The following SCARB1 variants were observed in gnomAD, a reference collection of about 807,000 sequenced individuals.
SCARB1 encodes CD36 and LIMPII analogous 1.
In SCARB1, 30 loss-of-function variants were observed where a neutral mutation model predicts 57.2. The observed-to-expected ratio is 0.52, with a 90% confidence interval of 0.39 to 0.71. SCARB1 has a LOEUF of 0.71. Ranked by LOEUF, SCARB1 falls within the 30% of genes least tolerant of loss-of-function variation. SCARB1 has a pLI of 0.00. For synonymous variants in SCARB1, 249 were observed against 268.3 expected (o/e 0.93, Z 0.70); for missense variants, 543 against 671.2 (o/e 0.81, Z 2.11).
chr12:124,833,390 A>G (rs1017783736), intron 1 of SCARB1, among the ~76,000 whole-genome samples: 2 of 151,828 alleles, frequency 1.3e-5, no homozygotes, highest in East Asian at 3.9e-4. Context: ...GGGTCTCACT[A>G]TGTTGCCCAA....
intron 10 of SCARB1, 33 bp from the exon 11 acceptor site, chr12:124,786,536 G>T: frequency 6.2e-7 from 1 of 1,612,934 alleles, no homozygotes; most frequent in Non-Finnish European, 8.5e-7. Flanking sequence ...ACATGAGCTG[G>T]GGCCGCAGGC....
At chr12:124,856,397 AAC>A (rs1301076578) in intron 1 of SCARB1, among the ~76,000 whole-genome samples, 4 of 152,216 alleles carry the variant, frequency 2.6e-5, no homozygotes, top group Non-Finnish European at 5.9e-5. Context: ...TACACACACC[AAC>A]ACACGTGTGT....
chr12:124,850,685 A>C (rs137973444), intron 1 of SCARB1, among the ~76,000 whole-genome samples: 1 of 152,352 alleles, frequency 6.6e-6, no homozygotes, highest in Non-Finnish European at 1.5e-5. Context: ...TAAATAGGTA[A>C]GTAAATATAA....
intron 12 of SCARB1, among the ~76,000 whole-genome samples, chr12:124,781,029 C>T (rs1250147669): frequency 6.6e-6 from 1 of 152,174 alleles, no homozygotes; most frequent in Non-Finnish European, 1.5e-5. Flanking sequence ...AGGCAGAAGG[C>T]CTTGCCCCCA....
chr12:124,776,965 AGAAAG>A lies in SCARB1; in HGVS notation c.*1617_*1621del, dbSNP rs1872537129. 1 of 140,102 alleles carries A rather than the reference AGAAAG, an allele frequency of 7.1e-6. No individual in the cohort carries two copies. Among genetic ancestry groups the A allele is most frequent in the Non-Finnish European group, 1.6e-5 (1 of 63,638 alleles). The allele number at this position is 140,102 out of a possible 1,614,324, so 8.7% of individuals were successfully genotyped here. A position where few individuals can be genotyped will look rare whatever the true frequency, so the allele number is the denominator to read the frequency against. ...TTAGATAAAATTTTAGGAGGGAAGAAGAAAGGAAATACAAGTTTAAGGGGAAAAGG... is the reference window on the plus strand; with the variant it reads ...TTAGATAAAATTTTAGGAGGGAAGAAGAAATACAAGTTTAAGGGGAAAAGG... On this transcript the variant is annotated 3_prime_UTR_variant, in exon 13 of 13. Transcript: ENST00000261693.
intron 1 of SCARB1, among the ~76,000 whole-genome samples, chr12:124,819,494 C>G (rs1260127659): frequency 6.6e-6 from 1 of 152,232 alleles, no homozygotes; most frequent in Non-Finnish European, 1.5e-5. Flanking sequence ...GCCAGCTTTC[C>G]TCCTCTAGAT....
At chr12:124,783,804 A>C (rs1949407864) in intron 11 of SCARB1, 1 of 152,206 alleles carries the variant, frequency 6.6e-6, no homozygotes, top group Non-Finnish European at 1.5e-5. Flanking sequence ...AAAAAATAAA[A>C]ATAAAAAAAC....
intron 10 of SCARB1, among the ~76,000 whole-genome samples, chr12:124,786,815 G>T (rs1349286801): frequency 6.6e-6 from 1 of 152,202 alleles, no homozygotes; most frequent in East Asian, 1.9e-4. Flanking sequence ...GGATGGCGGG[G>T]CCACCGGGGC....
chr12:124,846,313 T>A (rs1377137048), intron 1 of SCARB1, among the ~76,000 whole-genome samples: 2 of 152,208 alleles, frequency 1.3e-5, no homozygotes, highest in African/African-American at 2.4e-5. Context: ...CCCTTCTCCA[T>A]GCAGGTGAAG....
chr12:124,838,165 C>T (rs540913107), intron 1 of SCARB1, among the ~76,000 whole-genome samples: 1 of 152,338 alleles, frequency 6.6e-6, no homozygotes, highest in South Asian at 2.1e-4. Flanking sequence ...CATGCCAACC[C>T]CAGCCTAGAC....
At chr12:124,846,913 A>G (rs1952183074) in intron 1 of SCARB1, among the ~76,000 whole-genome samples, 1 of 152,106 alleles carries the variant, frequency 6.6e-6, no homozygotes, top group Non-Finnish European at 1.5e-5. Context: ...CCAAACAAAA[A>G]TACTGAGAGT....
rs1202743988 is a variant in SCARB1, at chr12:124,777,536, G to C, written c.*1051C>G. ...AGACGCTCTTGGCAGCCACCAGAAA[G>C]GAGCTATTGACCAAGAGAAGAGGAG... On this transcript the variant is annotated 3_prime_UTR_variant, in exon 13 of 13. Transcript: ENST00000261693. The C allele has an allele frequency of 6.6e-6, 1 of 152,204 alleles. No homozygotes were observed. Among genetic ancestry groups the C allele is most frequent in the Non-Finnish European group, 1.5e-5 (1 of 68,066 alleles). 9.4% of individuals were successfully genotyped at this position (152,204 alleles called of 1,614,324 possible). A position where few individuals can be genotyped will look rare whatever the true frequency, so the allele number is the denominator to read the frequency against.
intron 1 of SCARB1, among the ~76,000 whole-genome samples, chr12:124,852,435 G>T (rs549595251): frequency 2.0e-5 from 3 of 152,188 alleles, no homozygotes; most frequent in Non-Finnish European, 4.4e-5. Flanking sequence ...AGGGAGGCCC[G>T]GAGAAACACG....
At chr12:124,816,676 T>C (rs551903241) in intron 2 of SCARB1, among the ~76,000 whole-genome samples, 85 of 151,052 alleles carry the variant, frequency 5.6e-4, no homozygotes, top group Admixed American at 2.0e-3. Context: ...GAAGTGGGGG[T>C]GTGGAGGAGG....
Position 124,786,490 on chromosome 12 carries a change from T to A in SCARB1, c.1268A>T (p.Glu423Val), listed in dbSNP as rs1566134951. The change falls in exon 11 of 13, where the codon GAG (glutamate) becomes GTG (valine). Residue 423 changes from glutamate to valine, a missense_variant. By Grantham distance (121) the Glu-to-Val change is moderately radical (BLOSUM62 -2). Transcript: ENST00000261693. The stretch of plus-strand genomic sequence containing the variant: ...GTAGAATGTGTGAAGAGTCTCCCCC[T>A]CCATGGCCCCGCTCTGAGGAGACAG... Reference protein sequence around the residue: ...LLWFAESGAMEGETLHTFYTQ... With the variant: ...LLWFAESGAMVGETLHTFYTQ... The A allele has an allele frequency of 1.2e-6, 2 of 1,613,974 alleles. No individual in the cohort carries two copies. The highest frequency in any genetic ancestry group is 1.3e-5 in the African/African-American group (1 of 75,022).
At chr12:124,842,193 C>T (rs560922826) in intron 1 of SCARB1, among the ~76,000 whole-genome samples, 3 of 152,364 alleles carry the variant, frequency 2.0e-5, no homozygotes, top group East Asian at 1.9e-4. Flanking sequence ...CCCCACGCCC[C>T]GTGTCACTCC....
chr12:124,790,489 G>A lies in SCARB1; in HGVS notation c.1203-3032C>T, dbSNP rs189754515. 2.7e-3 allele frequency among the ~76,000 whole-genome samples: 406 copies of A among 152,242 alleles called. 2 individuals carry two copies. Among genetic ancestry groups the A allele is most frequent in the African/African-American group, 9.3e-3 (386 of 41,538 alleles). On this transcript the variant is annotated intron_variant, in intron 9 of 12. Coordinates refer to ENST00000261693, the MANE Select transcript of SCARB1 (RefSeq NM_005505.5). Reference sequence around the variant, plus strand: ...AACGGCAAGGCACAGGTTCTCCCCTGGAGCCTCTGGAAGGAACAAGGCCTG... The same window carrying A: ...AACGGCAAGGCACAGGTTCTCCCCTAGAGCCTCTGGAAGGAACAAGGCCTG...
chr12:124,859,182 C>A (rs2135861208), intron 1 of SCARB1, among the ~76,000 whole-genome samples: 1 of 152,252 alleles, frequency 6.6e-6, no homozygotes, highest in African/African-American at 2.4e-5. Flanking sequence ...CCATGCTTGG[C>A]CTTGTAATTT....
At chr12:124,832,721 A>C (rs1421752695) in intron 1 of SCARB1, among the ~76,000 whole-genome samples, 1 of 152,216 alleles carries the variant, frequency 6.6e-6, no homozygotes, top group Non-Finnish European at 1.5e-5. Context: ...TCAAAAGTTC[A>C]CATATTAACA....
Sources: gnomAD v4.1 joint callset for allele counts (sites outside exome capture counted in the v4.1 genomes callset) on GRCh38, gnomAD v4.1.1 for gene constraint, MANE v1.5 for transcripts, NCBI Gene and HGNC (gene_info 2026-07-23, HGNC 2026-07-21) for gene names.